The following PAPLN variants were observed in gnomAD, a reference collection of about 807,000 sequenced individuals.
PAPLN encodes papilin, proteoglycan like sulfated glycoprotein, also known as papilin.
In PAPLN, 146 loss-of-function variants were observed where a neutral mutation model predicts 159.0. The observed-to-expected ratio is 0.92, with a 90% CI of 0.80 to 1.05. The LOEUF (loss-of-function observed/expected upper bound fraction) is 1.05. Ranked by LOEUF, PAPLN falls within the 50% of genes least tolerant of loss-of-function variation. PAPLN has a pLI of 0.00. For missense variants in PAPLN, 1,720 were observed against 1,743.9 expected, an observed-to-expected ratio of 0.99 and a Z score of 0.24; for synonymous variants, 734 against 702.9, an observed-to-expected ratio of 1.04 and a Z score of -0.70.
At chr14:73,252,570 C>T (rs1005013) in intron 10 of PAPLN, 79 bp from the exon 11 acceptor site, 179,913 of 1,540,072 alleles carry the variant, frequency 0.12, 11,912 homozygotes, top group Non-Finnish European at 0.14. Flanking sequence ...GGGGTGAGTG[C>T]AGGATGGCGC....
At position 73,266,625 on chromosome 14, in the gene PAPLN, C is replaced by G. The variant is rs1207287517; in HGVS notation, c.3388C>G (p.Leu1130Val). The part of the protein sequence containing the change: ...RDQRWVQLRV[L>V]GELTISGLPP... ...CCAGCGATGGGTCCAGCTCAGAGTT[C>G]TGGGTAAAGTGGCAGTCCTGAGTGG... is the stretch of plus-strand genomic sequence containing the variant. The change falls in exon 24 of 27, where the codon CTG becomes GTG. Residue 1130 changes from leucine to valine, a missense_variant. Transcript: ENST00000644200. The G allele has an allele frequency of 3.7e-6, 6 of 1,614,014 alleles. No homozygotes were observed. Among genetic ancestry groups the G allele is most frequent in the South Asian group, 1.1e-5 (1 of 91,064 alleles).
Position 73,262,841 on chromosome 14 carries a change from TC to T in PAPLN, c.2723+18del. Reference sequence around the variant, plus strand: ...CTCCTCCTACAGGTGAGGCCCACCTTCCCCAGGTGAGGGGGTTAGGACGCCC... The same window carrying T: ...CTCCTCCTACAGGTGAGGCCCACCTTCCCAGGTGAGGGGGTTAGGACGCCC... On this transcript the variant is annotated intron_variant, in intron 19 of 26. Transcript: ENST00000644200. The T allele has an allele frequency of 1.4e-6, 2 of 1,449,686 alleles. No homozygotes were observed. The highest frequency in any genetic ancestry group is 2.6e-5 in the Admixed American group (1 of 37,754). The allele number at this position is 1,449,686 out of a possible 1,614,324, so 89.8% of individuals were successfully genotyped here.
Position 73,262,470 on chromosome 14 carries a change from G to GCAATGC in PAPLN, c.2371_2376dup (p.Ala791_Asn792dup). The GCAATGC allele has an allele frequency of 6.2e-6, 10 of 1,609,650 alleles. No homozygotes were observed. Among genetic ancestry groups the GCAATGC allele is most frequent in the Non-Finnish European group, 8.5e-6 (10 of 1,177,950 alleles). ...CGCTTCTGGTATGGCGGCTGCCATG[G>GCAATGC]CAATGCCAATAACTTTGCCTCGGAG... On this transcript the variant is annotated inframe_insertion, in exon 19 of 27. Coordinates refer to ENST00000644200, the MANE Select transcript of PAPLN (RefSeq NM_001365906.3).
chr14:73,262,108 C>T lies in PAPLN; in HGVS notation c.2246-242C>T, dbSNP rs1886648640. 3 of 460,150 alleles carry T rather than the reference C, an allele frequency of 6.5e-6. No homozygotes were observed. In the Admixed American group the frequency reaches 1.2e-4, roughly 18 times the overall value. The allele number at this position is 460,150 out of a possible 1,614,324, so 28.5% of individuals were successfully genotyped here. On this transcript the variant is annotated intron_variant, in intron 18 of 26. Coordinates refer to ENST00000644200, the MANE Select transcript of PAPLN (RefSeq NM_001365906.3). Reference sequence around the variant, plus strand: ...CCAGGGAGCCCTGGCCCTGACCTCCCAGAGGCTCTAGCTCTGTGGGTGAAG... The same window carrying T: ...CCAGGGAGCCCTGGCCCTGACCTCCTAGAGGCTCTAGCTCTGTGGGTGAAG...
At chr14:73,264,077 C>T (rs1023901662) in intron 20 of PAPLN, 134 bp from the exon 21 acceptor site, 12 of 1,527,834 alleles carry the variant, frequency 7.9e-6, no homozygotes, top group Admixed American at 1.8e-5. Flanking sequence ...AAGCATATTC[C>T]CCCAGCCTCA....
rs1163372691 is a variant in PAPLN at position 73,245,437 on chromosome 14, T to C, written c.171-199T>C. 2 of 594,924 alleles carry C rather than the reference T, an allele frequency of 3.4e-6. No homozygotes were observed. The highest frequency in any genetic ancestry group is 1.9e-5 in the African/African-American group (1 of 53,462). The allele number at this position is 594,924 out of a possible 1,614,324, so 36.9% of individuals were successfully genotyped here. A position where few individuals can be genotyped will look rare whatever the true frequency, so the allele number is the denominator to read the frequency against. On this transcript the variant is annotated intron_variant, in intron 3 of 26. Transcript: ENST00000644200. This position sits in a 1 kb window ranked among gnomAD's most constrained non-coding sequence, Gnocchi z 4.2. ...CCAAACTATAGGGTGGGTAGGGCTC[T>C]GAGTCCCGCTTCTCTGGAGTACCAA...
chr14:73,236,166 A>G (rs17126148), upstream of PAPLN, among the ~76,000 whole-genome samples: 2,874 of 152,216 alleles, frequency 0.019, 94 homozygotes, highest in African/African-American at 0.067. Context: ...TCCAGTTTCA[A>G]AAAAAGAATG....
In PAPLN at chr14:73,268,659, G is replaced by A. The variant is rs188461682; in HGVS notation, c.3603G>A (p.Thr1201=). The A allele has an allele frequency of 5.8e-5, 94 of 1,613,990 alleles. No individual in the cohort carries two copies. Among genetic ancestry groups the A allele is most frequent in the East Asian group, 1.3e-4 (6 of 44,882 alleles). The change falls in exon 26 of 27, where the codon ACG becomes ACA. Residue 1201 remains threonine (T), a synonymous_variant. Transcript: ENST00000644200. ...NLRARDEGSY[T]CSAYQGSQAV... ...GGGCCAGGGATGAGGGCTCCTACAC[G>A]TGCAGTGCCTACCAGGGGAGCCAGG...
At chr14:73,259,578 C>T (rs749857946) in intron 16 of PAPLN, 33 bp downstream of exon 16, 46 of 1,470,374 alleles carry the variant, frequency 3.1e-5, no homozygotes, top group African/African-American at 2.3e-4. Flanking sequence ...CCTCCTCCCC[C>T]GTCAAAGAGG....
intron 15 of PAPLN, 100 bp downstream of exon 15, chr14:73,259,159 G>A (rs946847230): frequency 1.7e-5 from 26 of 1,526,676 alleles, no homozygotes; most frequent in African/African-American, 4.1e-5. Flanking sequence ...TGCAGCCATG[G>A]TGGAAGGGAG....
At chr14:73,268,807 G>A in intron 26 of PAPLN, 84 bp downstream of exon 26, 1 of 1,432,426 alleles carries the variant, frequency 7.0e-7, no homozygotes, top group Non-Finnish European at 9.2e-7. Flanking sequence ...GCAGTCTGAG[G>A]GACTCTGGTT....
intron 5 of PAPLN, 71 bp downstream of exon 5, chr14:73,246,246 C>T (rs949667758): frequency 3.8e-6 from 5 of 1,308,326 alleles, no homozygotes. Context: ...TTCCTATTGC[C>T]GTATTATAGA....
chr14:73,251,701 G>A lies in PAPLN; in HGVS notation c.708G>A (p.Gly236=), dbSNP rs2140236276. The A allele has an allele frequency of 1.2e-6, 2 of 1,613,422 alleles. No homozygotes were observed. Among genetic ancestry groups the A allele is most frequent in the African/African-American group, 2.7e-5 (2 of 75,024 alleles). ...TTCGTGGGGAATACTACCTCAATGG[G>A]CACTGGACCATCGAGGCGGCCCGGG... ...KNVRGEYYLN[G]HWTIEAARAL... Residue 236 remains glycine (G), a synonymous_variant, in exon 9 of 27, where the codon GGG becomes GGA. Coordinates refer to ENST00000644200, the MANE Select transcript of PAPLN (RefSeq NM_001365906.3).
chr14:73,258,703 A>C (rs539596875), intron 14 of PAPLN, among the ~76,000 whole-genome samples: 1 of 150,378 alleles, frequency 6.6e-6, no homozygotes, highest in Non-Finnish European at 1.5e-5. Context: ...TTGAGGCTTT[A>C]GTGAGCCATG....
Position 73,244,732 on chromosome 14 carries a change from T to G in PAPLN, c.143T>G (p.Phe48Cys), listed in dbSNP as rs1430640231. The change falls in exon 3 of 27, where the codon TTC becomes TGC. Residue 48 changes from phenylalanine (F) to cysteine (C), a missense_variant. Coordinates refer to ENST00000644200, the MANE Select transcript of PAPLN (RefSeq NM_001365906.3). Reference sequence around the variant, plus strand: ...CGGACCTGTGGAGGGGGTGTCAGCTTCCGGGAGCGCCCCTGCTACTCCCAG... The same window carrying G: ...CGGACCTGTGGAGGGGGTGTCAGCTGCCGGGAGCGCCCCTGCTACTCCCAG... ...CSRTCGGGVS[F>C]RERPCYSQRR... 6.3e-7 allele frequency: 1 copy of G among 1,582,388 alleles called. No individual in the cohort carries two copies. The highest frequency in any genetic ancestry group is 8.6e-7 in the Non-Finnish European group (1 of 1,164,530).
At chr14:73,241,171 G>C (rs1200043625) in intron 2 of PAPLN, among the ~76,000 whole-genome samples, 1 of 152,074 alleles carries the variant, frequency 6.6e-6, no homozygotes, top group African/African-American at 2.4e-5. Context: ...ACCCAACATG[G>C]GCCACAGCTG....
In PAPLN at chr14:73,252,645, G is replaced by A. The variant is rs202005032; in HGVS notation, c.968-4G>A. On this transcript the variant is annotated splice_region_variant and splice_polypyrimidine_tract_variant and intron_variant, in intron 10 of 26. Transcript: ENST00000644200. ...CTGCCCGCCATGGCTGGGCCTCTGC[G>A]CAGGTCACCAGTCCCGCCTGGTGTT... The A allele has an allele frequency of 2.3e-4, 363 of 1,612,000 alleles. No individual in the cohort carries two copies. Among genetic ancestry groups the A allele is most frequent in the Non-Finnish European group, 2.7e-4 (318 of 1,179,736 alleles).
At chr14:73,238,082 G>A (rs939304582) in intron 1 of PAPLN, among the ~76,000 whole-genome samples, 2 of 152,196 alleles carry the variant, frequency 1.3e-5, no homozygotes, top group African/African-American at 4.8e-5. Context: ...GGGGACGCGG[G>A]GTGCCTGGTC....
chr14:73,238,399 G>A (rs538542189), intron 1 of PAPLN, among the ~76,000 whole-genome samples: 4 of 152,376 alleles, frequency 2.6e-5, no homozygotes, highest in South Asian at 4.1e-4. Context: ...ACCAGACCCG[G>A]ACTGGCCTTG....
Sources: allele counts gnomAD v4.1 joint callset (sites outside exome capture counted in the v4.1 genomes callset), GRCh38; gene constraint gnomAD v4.1.1; non-coding constraint Gnocchi (gnomAD v3.1); transcripts MANE v1.5; gene names NCBI Gene and HGNC (gene_info 2026-07-23, HGNC 2026-07-21).